The following GDF1 variants were observed in gnomAD, a reference collection of about 807,000 sequenced individuals.
GDF1 encodes the protein embryonic growth/differentiation factor 1.
GDF1 carries 8 observed loss-of-function variants against 7.4 expected under a neutral mutation model. The ratio of observed to expected loss-of-function variants is 1.09; its 90% confidence interval spans 0.64 to 1.96. The LOEUF (loss-of-function observed/expected upper bound fraction) is 1.96. Ranked by LOEUF, GDF1 falls within the 30% of genes most tolerant of loss-of-function variation. The probability of loss-of-function intolerance (pLI) is 0.00; values close to 1 mark genes in which losing one functional copy is unlikely to be tolerated. For synonymous variants in GDF1, 311 were observed against 276.7 expected (o/e 1.12, Z -1.23); for missense variants, 574 against 551.5 (o/e 1.04, Z -0.41).
chr19:18,885,547 T>G (rs1460411682), intron 2 of GDF1, among the ~76,000 whole-genome samples: 12 of 117,002 alleles, frequency 1.0e-4, no homozygotes, highest in Admixed American at 1.9e-4. Context: ...TGAGATGGAG[T>G]CTTGCTCTGT....
rs1337211102 is a variant in GDF1 at position 18,870,828 on chromosome 19, G to C, written c.-312-209C>G. On this transcript the variant is annotated intron_variant, in intron 6 of 7. Coordinates refer to ENST00000247005, the MANE Select transcript of GDF1 (RefSeq NM_001492.6). This position sits in a 1 kb window ranked among gnomAD's most constrained non-coding sequence, Gnocchi z 5.1. ...TTCAACCTGCCCCGTAGGCACGTATGTCCCCCCTGGCACCCTGGCACTTCC... is the reference window on the plus strand; with the variant it reads ...TTCAACCTGCCCCGTAGGCACGTATCTCCCCCCTGGCACCCTGGCACTTCC... Among the ~76,000 whole-genome samples the C allele has an allele frequency of 6.6e-6, 1 of 151,488 alleles. No individual in the cohort carries two copies. Among genetic ancestry groups the C allele is most frequent in the Non-Finnish European group, 1.5e-5 (1 of 67,890 alleles).
At chr19:18,884,061 C>T (rs773814038) in intron 3 of GDF1, 26 bp downstream of exon 3, 1 of 1,601,372 alleles carries the variant, frequency 6.2e-7, no homozygotes, top group Non-Finnish European at 8.5e-7. Flanking sequence ...GTGCCTCGGC[C>T]CCCTGCCACC....
chr19:18,884,203 G>A lies in GDF1; in HGVS notation c.-849C>T. The A allele has an allele frequency of 1.2e-6, 2 of 1,613,660 alleles. No individual in the cohort carries two copies. The highest frequency in any genetic ancestry group is 2.2e-5 in the South Asian group (2 of 91,054). ...GCGTAGCGTAGATGGAGTGGCCATAGAAGCTTCCCTGGAGCAGGTAGGCGG... is the reference window on the plus strand; with the variant it reads ...GCGTAGCGTAGATGGAGTGGCCATAAAAGCTTCCCTGGAGCAGGTAGGCGG... On this transcript the variant is annotated 5_prime_UTR_variant, in exon 3 of 8. Transcript: ENST00000247005.
At chr19:18,890,503 C>T (rs1412647401) in intron 2 of GDF1, among the ~76,000 whole-genome samples, 3 of 152,078 alleles carry the variant, frequency 2.0e-5, no homozygotes, top group Non-Finnish European at 2.9e-5. Context: ...TAAGGCTGGA[C>T]GAGGTGGCTC....
At chr19:18,869,866 C>T (rs2055932798) in intron 7 of GDF1, 117 bp downstream of exon 7, 1 of 1,012,174 alleles carries the variant, frequency 9.9e-7, no homozygotes. Flanking sequence ...TGCTAGTAGC[C>T]TGGACAGGGC....
At chr19:18,874,287 G>T (rs1397895879) in intron 6 of GDF1, among the ~76,000 whole-genome samples, 1 of 152,170 alleles carries the variant, frequency 6.6e-6, no homozygotes, top group Non-Finnish European at 1.5e-5. Flanking sequence ...CCAGATGTAG[G>T]TGCTGAAGTT....
intron 2 of GDF1, among the ~76,000 whole-genome samples, chr19:18,892,187 C>T (rs534225944): frequency 3.3e-5 from 5 of 151,904 alleles, no homozygotes; most frequent in African/African-American, 1.2e-4. Flanking sequence ...CGTGAGCCAT[C>T]GCACCAGGCT....
Position 18,878,938 on chromosome 19 carries a change from G to T in GDF1, c.-321C>A, listed in dbSNP as rs754900992. On this transcript the variant is annotated 5_prime_UTR_variant, in exon 6 of 8. Transcript: ENST00000247005. This position sits in a 1 kb window ranked among gnomAD's most constrained non-coding sequence, Gnocchi z 4.6. ...GGCCCCTCCACACTCACTCGGCTTT[G>T]CTGGGCTTCAGGCTCTGGGCCTCGG... is the stretch of plus-strand genomic sequence containing the variant. The T allele has an allele frequency of 6.2e-7, 1 of 1,613,654 alleles. No individual in the cohort carries two copies. Among genetic ancestry groups the T allele is most frequent in the South Asian group, 1.1e-5 (1 of 91,066 alleles).
Position 18,878,425 on chromosome 19 carries a change from A to G in GDF1, c.-313+505T>C. 3.0e-6 allele frequency: 3 copies of G among 989,718 alleles called. No homozygotes were observed. Among genetic ancestry groups the G allele is most frequent in the Non-Finnish European group, 3.6e-6 (3 of 832,426 alleles). The allele number at this position is 989,718 out of a possible 1,614,324, so 61.3% of individuals were successfully genotyped here. The stretch of plus-strand genomic sequence containing the variant: ...GGACTGAGTCTGAGCTCCCAGCCCC[A>G]GCTCCTGTTTGGCCGGGCAGTGGGC... On this transcript the variant is annotated intron_variant, in intron 6 of 7. Transcript: ENST00000247005. The surrounding 1 kb of genome is among the most constrained non-coding windows in gnomAD (Gnocchi z 4.6).
chr19:18,880,167 C>T, intron 4 of GDF1, 107 bp downstream of exon 4: 5 of 1,192,400 alleles, frequency 4.2e-6, no homozygotes, highest in South Asian at 1.5e-5. Context: ...CACACACCCA[C>T]CTCACCGGGC....
intron 6 of GDF1, among the ~76,000 whole-genome samples, chr19:18,877,430 T>C (rs1264761907): frequency 6.6e-6 from 1 of 152,140 alleles, no homozygotes; most frequent in African/African-American, 2.4e-5. Context: ...GAAGACTCCT[T>C]GGAGAGACCT....
intron 2 of GDF1, among the ~76,000 whole-genome samples, chr19:18,889,564 A>C (rs1462570970): frequency 6.6e-6 from 1 of 152,300 alleles, no homozygotes; most frequent in Non-Finnish European, 1.5e-5. Context: ...AGCTGGGACC[A>C]CAGGCACGCG....
At position 18,896,038 on chromosome 19, in the gene GDF1, C is replaced by G; in HGVS notation, c.-1288G>C. On this transcript the variant is annotated 5_prime_UTR_variant, in exon 1 of 8. Transcript: ENST00000247005. The surrounding 1 kb of genome is among the most constrained non-coding windows in gnomAD (Gnocchi z 5.9). ...CGCGTAGCTCGGCATGGGCTCGGGC[C>G]CCGTCGGCCCCGCCGCGGGCCCCGC... The G allele has an allele frequency of 1.0e-6, 1 of 990,206 alleles. No individual in the cohort carries two copies. Among genetic ancestry groups the G allele is most frequent in the Non-Finnish European group, 1.2e-6 (1 of 834,678 alleles). 61.3% of individuals were successfully genotyped at this position (990,206 alleles called of 1,614,324 possible). A position where few individuals can be genotyped will look rare whatever the true frequency, so the allele number is the denominator to read the frequency against.
rs1350677632 is a variant in GDF1, at chr19:18,895,874, C to A, written c.-1124G>T. ...GAGCGCAGGGCGGTCCAGCCCAGCGCGCCGAGCGCCAGCAGCAGCAGCTCG... is the reference window on the plus strand; with the variant it reads ...GAGCGCAGGGCGGTCCAGCCCAGCGAGCCGAGCGCCAGCAGCAGCAGCTCG... On this transcript the variant is annotated 5_prime_UTR_variant, in exon 1 of 8. Coordinates refer to ENST00000247005, the MANE Select transcript of GDF1 (RefSeq NM_001492.6). This position sits in a 1 kb window ranked among gnomAD's most constrained non-coding sequence, Gnocchi z 6.4. 7.8e-7 allele frequency: 1 copy of A among 1,284,582 alleles called. No homozygotes were observed. 79.6% of individuals were successfully genotyped at this position (1,284,582 alleles called of 1,614,324 possible).
chr19:18,881,511 T>TAA (rs2056208033), intron 3 of GDF1, among the ~76,000 whole-genome samples: 1 of 151,288 alleles, frequency 6.6e-6, no homozygotes, highest in Non-Finnish European at 1.5e-5. Flanking sequence ...TGAGCCACCG[T>TAA]GCCCGGCCCC....
At position 18,879,227 on chromosome 19, in the gene GDF1, C is replaced by T. The variant is rs376109182; in HGVS notation, c.-423+14G>A. On this transcript the variant is annotated intron_variant, in intron 5 of 7. Transcript: ENST00000247005. Reference sequence around the variant, plus strand: ...CGGGACCGCCACTGTGGAGGAGAGCCGGGGCCGACTCACCAGGAACCAGTA... The same window carrying T: ...CGGGACCGCCACTGTGGAGGAGAGCTGGGGCCGACTCACCAGGAACCAGTA... 1.6e-5 allele frequency: 26 copies of T among 1,613,246 alleles called. No individual in the cohort carries two copies. The highest frequency in any genetic ancestry group is 1.2e-4 in the African/African-American group (9 of 74,976).
In GDF1 at chr19:18,891,519, G is replaced by A. The variant is rs1286678515; in HGVS notation, c.-914+1897C>T. Among the ~76,000 whole-genome samples the A allele has an allele frequency of 3.4e-5, 5 of 145,716 alleles. No homozygotes were observed. In the South Asian group the frequency reaches 7.3e-4, roughly 21 times the overall value. On this transcript the variant is annotated intron_variant, in intron 2 of 7. Transcript: ENST00000247005. Reference sequence around the variant, plus strand: ...AGTCACCTCCCTGCCCAGCCCACCCGGAGCTCAGGCCACATCCACTCCAAT... The same window carrying A: ...AGTCACCTCCCTGCCCAGCCCACCCAGAGCTCAGGCCACATCCACTCCAAT...
chr19:18,872,240 A>G (rs1262415613), intron 6 of GDF1, among the ~76,000 whole-genome samples: 2 of 152,238 alleles, frequency 1.3e-5, no homozygotes, highest in African/African-American at 4.8e-5. Context: ...CAAAAGCTTC[A>G]AAGTGTTCTC....
At chr19:18,874,062 C>T (rs1037823656) in intron 6 of GDF1, among the ~76,000 whole-genome samples, 7 of 152,120 alleles carry the variant, frequency 4.6e-5, no homozygotes, top group Non-Finnish European at 7.4e-5. Context: ...CACGTTCTCT[C>T]CTGGGTTGAA....
Sources: gnomAD v4.1 joint callset for allele counts (sites outside exome capture counted in the v4.1 genomes callset) on GRCh38, gnomAD v4.1.1 for gene constraint, Gnocchi (gnomAD v3.1) non-coding constraint, MANE v1.5 for transcripts, NCBI Gene and HGNC (gene_info 2026-07-23, HGNC 2026-07-21) for gene names.